MALRD1: variants seen among roughly 807,000 people sequenced by gnomAD.
MALRD1 encodes MAM and LDL receptor class A domain containing 1.
Under a neutral mutation model 242.1 loss-of-function variants are expected in MALRD1, and 247 were observed. That is an observed-to-expected ratio of 1.02 (90% CI 0.92 to 1.13). MALRD1 has a LOEUF of 1.13. MALRD1 is among the 50% of genes most tolerant of loss of function. MALRD1 has a pLI of 0.00. For missense variants in MALRD1, 2,989 were observed against 2,533.1 expected (o/e 1.18, Z -3.86); for synonymous variants, 995 against 866.6 (o/e 1.15, Z -2.60).
intron 29 of MALRD1, among the ~76,000 whole-genome samples, chr10:19,465,810 T>G (rs1836192869): frequency 6.6e-6 from 1 of 152,184 alleles, no homozygotes; most frequent in Non-Finnish European, 1.5e-5. Flanking sequence ...CTGCGATAAC[T>G]GAGCCACCAT....
intron 14 of MALRD1, among the ~76,000 whole-genome samples, chr10:19,179,720 T>G (rs1382594075): frequency 6.6e-6 from 1 of 152,176 alleles, no homozygotes; most frequent in Non-Finnish European, 1.5e-5. Context: ...ATAATATTCT[T>G]ATTATCGTAA....
intron 21 of MALRD1, among the ~76,000 whole-genome samples, chr10:19,285,194 T>C (rs1012104765): frequency 4.8e-5 from 7 of 144,952 alleles, no homozygotes; most frequent in Middle Eastern, 3.5e-3. Flanking sequence ...TTCTCCCATT[T>C]TGTAGGTTTC....
At chr10:19,369,660 T>A (rs1442074480) in intron 26 of MALRD1, among the ~76,000 whole-genome samples, 1 of 150,456 alleles carries the variant, frequency 6.6e-6, no homozygotes, top group Admixed American at 6.7e-5. Flanking sequence ...ATACATATTT[T>A]CAAATATGCA....
chr10:19,341,498 ATATG>A (rs1564577143), intron 24 of MALRD1, among the ~76,000 whole-genome samples: 13 of 142,938 alleles, frequency 9.1e-5, no homozygotes, highest in Non-Finnish European at 2.0e-4. Context: ...ATATATGTAT[ATATG>A]TATATATATG....
chr10:19,675,939 A>C (rs1303167154), intron 36 of MALRD1, among the ~76,000 whole-genome samples: 1 of 152,246 alleles, frequency 6.6e-6, no homozygotes, highest in Non-Finnish European at 1.5e-5. Context: ...ACAGGTACAA[A>C]GAAAGGCTTC....
At chr10:19,286,385 T>G (rs1421116289) in intron 21 of MALRD1, among the ~76,000 whole-genome samples, 2 of 150,492 alleles carry the variant, frequency 1.3e-5, no homozygotes, top group East Asian at 4.0e-4. Flanking sequence ...ATATTGGCTG[T>G]GGGTTTGTCA....
chr10:19,166,737 G>A (rs72790790), intron 13 of MALRD1, among the ~76,000 whole-genome samples: 2 of 152,186 alleles, frequency 1.3e-5, no homozygotes, highest in Non-Finnish European at 2.9e-5. Context: ...AATAAAAGAA[G>A]GCAATTGTGT....
intron 29 of MALRD1, among the ~76,000 whole-genome samples, chr10:19,459,194 G>A (rs771656511): frequency 2.0e-5 from 3 of 152,124 alleles, no homozygotes; most frequent in African/African-American, 4.8e-5. Flanking sequence ...GAAGATGTAA[G>A]AGAGAAGTAT....
intron 29 of MALRD1, among the ~76,000 whole-genome samples, chr10:19,480,331 G>T (rs1305101804): frequency 1.3e-5 from 2 of 152,176 alleles, no homozygotes; most frequent in Non-Finnish European, 2.9e-5. Flanking sequence ...TAGACATGGG[G>T]CCATCAGCCT....
At chr10:19,320,291 G>C (rs1266090743) in intron 21 of MALRD1, among the ~76,000 whole-genome samples, 4 of 151,702 alleles carry the variant, frequency 2.6e-5, no homozygotes, top group East Asian at 1.9e-4. Context: ...TCATTGTTCA[G>C]CTCCCACTTA....
At chr10:19,470,019 C>A (rs975460425) in intron 29 of MALRD1, among the ~76,000 whole-genome samples, 9 of 152,008 alleles carry the variant, frequency 5.9e-5, no homozygotes, top group Non-Finnish European at 1.0e-4. Flanking sequence ...GTGTTGTTAT[C>A]TGGAGGCACT....
rs184082580 is a variant in MALRD1, at chr10:19,621,475, A to C, written c.6137+5552A>C. ...AAGTAAAGATTAAATTATCATTTTC[A>C]AAGGATGATATATTCAAATGTAAAT... On this transcript the variant is annotated intron_variant, in intron 36 of 39. Coordinates refer to ENST00000454679, the MANE Select transcript of MALRD1 (RefSeq NM_001142308.3). Among the ~76,000 whole-genome samples the C allele has an allele frequency of 2.0e-5, 3 of 151,770 alleles. No individual in the cohort carries two copies. In the East Asian group the frequency reaches 5.8e-4, roughly 30 times the overall value.
At position 19,163,028 on chromosome 10, in the gene MALRD1, C is replaced by A. The variant is rs142536118; in HGVS notation, c.1657-2609C>A. On this transcript the variant is annotated intron_variant, in intron 12 of 39. Transcript: ENST00000454679. ...TGGTGCAAGCCTGTAGTCCCAATTACTGAGAAGGCTGAGTTGGGAGAATTA... is the reference window on the plus strand; with the variant it reads ...TGGTGCAAGCCTGTAGTCCCAATTAATGAGAAGGCTGAGTTGGGAGAATTA... Among the ~76,000 whole-genome samples, 7 of 146,128 alleles carry A rather than the reference C, an allele frequency of 4.8e-5. No homozygotes were observed. In the East Asian group the frequency reaches 1.3e-3, roughly 26 times the overall value.
At chr10:19,572,765 A>G (rs140424256) in intron 33 of MALRD1, among the ~76,000 whole-genome samples, 3 of 152,302 alleles carry the variant, frequency 2.0e-5, no homozygotes, top group African/African-American at 7.2e-5. Context: ...ACACACAGAG[A>G]GTACCATGTA....
At chr10:19,310,655 C>T (rs1842389884) in intron 21 of MALRD1, among the ~76,000 whole-genome samples, 1 of 151,520 alleles carries the variant, frequency 6.6e-6, no homozygotes, top group Non-Finnish European at 1.5e-5. Flanking sequence ...GCCCAGGCTT[C>T]TTGTTTTGGA....
intron 36 of MALRD1, among the ~76,000 whole-genome samples, chr10:19,660,305 A>G (rs1486328915): frequency 1.3e-5 from 2 of 152,178 alleles, no homozygotes; most frequent in Non-Finnish European, 2.9e-5. Context: ...TCTGGGTTAT[A>G]CAGCCACATC....
At chr10:19,218,871 C>T (rs1837440192) in intron 18 of MALRD1, among the ~76,000 whole-genome samples, 1 of 151,960 alleles carries the variant, frequency 6.6e-6, no homozygotes, top group African/African-American at 2.4e-5. Flanking sequence ...ATCATATTAT[C>T]TTAATTATTT....
At chr10:19,443,847 C>T (rs1024626294) in intron 28 of MALRD1, among the ~76,000 whole-genome samples, 2 of 152,170 alleles carry the variant, frequency 1.3e-5, no homozygotes, top group African/African-American at 4.8e-5. Flanking sequence ...CCACTTGGTG[C>T]ACAGCTGAGT....
At chr10:19,485,891 TAACTA>T (rs1167637393) in intron 29 of MALRD1, among the ~76,000 whole-genome samples, 1 of 152,008 alleles carries the variant, frequency 6.6e-6, no homozygotes, top group East Asian at 1.9e-4. Context: ...ATGGAATTAT[TAACTA>T]AATTAGGGGT....
Sources: allele counts gnomAD v4.1 joint callset (sites outside exome capture counted in the v4.1 genomes callset), GRCh38; gene constraint gnomAD v4.1.1; transcripts MANE v1.5; gene names NCBI Gene and HGNC (gene_info 2026-07-23, HGNC 2026-07-21).